GALM: variants seen among roughly 807,000 people sequenced by gnomAD.
GALM encodes the protein galactose mutarotase.
GALM carries 43 observed loss-of-function variants against 37.4 expected under a neutral mutation model. The observed-to-expected ratio is 1.15, with a 90% CI of 0.90 to 1.48. The LOEUF (loss-of-function observed/expected upper bound fraction) is 1.48, where lower values mean the gene tolerates loss of function less well. Ranked by LOEUF, GALM falls within the 40% of genes most tolerant of loss-of-function variation. The pLI is 0.00. For missense variants in GALM, 456 were observed against 419.1 expected (o/e 1.09, Z -0.77); for synonymous variants, 199 against 170.6 (o/e 1.17, Z -1.30).
chr2:38,711,779 CTGTCACCACCAT>C (rs1666169790), intron 4 of GALM, among the ~76,000 whole-genome samples: 1 of 99,442 alleles, frequency 1.0e-5, no homozygotes, highest in African/African-American at 3.6e-5. Flanking sequence ...ATCACCATCA[CTGTCACCACCAT>C]CACCATCACC....
chr2:38,674,806 G>C (rs1449026695), intron 1 of GALM, among the ~76,000 whole-genome samples: 1 of 152,180 alleles, frequency 6.6e-6, no homozygotes, highest in Non-Finnish European at 1.5e-5. Context: ...CCATAGTTTT[G>C]CTTCCTGCAG....
chr2:38,708,111 TTAAAATAAAATAAAA>T (rs60153386), intron 4 of GALM, among the ~76,000 whole-genome samples: 24 of 135,642 alleles, frequency 1.8e-4, no homozygotes, highest in South Asian at 4.5e-4. Context: ...TGTATCAAAA[TTAAAATAAAATAAAA>T]TAAAATAAAA....
At position 38,688,302 on chromosome 2, in the gene GALM, G is replaced by A. The variant is rs533718079; in HGVS notation, c.553-1511G>A. 1.1e-4 allele frequency among the ~76,000 whole-genome samples: 16 copies of A among 151,538 alleles called. No homozygotes were observed. The East Asian group carries it at 1.8e-3, about 17-fold the overall frequency. On this transcript the variant is annotated intron_variant, in intron 3 of 6. Coordinates refer to ENST00000272252, the MANE Select transcript of GALM (RefSeq NM_138801.3). ...CGAGGTGAGCAGATCACCTGAGGTC[G>A]CGAGTTCGAGACCAGCCTGACCAAC...
intron 1 of GALM, among the ~76,000 whole-genome samples, chr2:38,674,429 C>A (rs180951194): frequency 6.6e-6 from 1 of 152,214 alleles, no homozygotes; most frequent in Non-Finnish European, 1.5e-5. Flanking sequence ...ACCTCGTGAT[C>A]CACCCTTCTC....
intron 3 of GALM, among the ~76,000 whole-genome samples, chr2:38,686,277 T>TC (rs778606164): frequency 8.9e-6 from 1 of 112,360 alleles, no homozygotes; most frequent in Non-Finnish European, 1.8e-5. Flanking sequence ...TCTTTCTTTC[T>TC]TATTTTGAGA....
intron 5 of GALM, among the ~76,000 whole-genome samples, chr2:38,730,330 G>A (rs896982651): frequency 7.9e-5 from 12 of 152,174 alleles, no homozygotes; most frequent in Non-Finnish European, 1.6e-4. Context: ...GCAGTGGTGC[G>A]ATCTAGGTTT....
At chr2:38,709,892 C>T (rs1313701748) in intron 4 of GALM, among the ~76,000 whole-genome samples, 3 of 152,166 alleles carry the variant, frequency 2.0e-5, no homozygotes, top group African/African-American at 7.2e-5. Flanking sequence ...GCCCCTTTAC[C>T]GCAGGCCTCC....
intron 4 of GALM, among the ~76,000 whole-genome samples, chr2:38,709,126 G>C (rs569496500): frequency 2.2e-4 from 33 of 151,246 alleles, no homozygotes; most frequent in African/African-American, 7.7e-4. Flanking sequence ...GCCTAGACAG[G>C]TAGGCAGTGA....
chr2:38,705,913 C>G (rs568380766), intron 4 of GALM, among the ~76,000 whole-genome samples: 2 of 152,102 alleles, frequency 1.3e-5, no homozygotes, highest in Admixed American at 1.3e-4. Context: ...CCTCCCCCTC[C>G]GGGTTCAGTG....
At chr2:38,679,826 C>T (rs1420310479) in intron 2 of GALM, among the ~76,000 whole-genome samples, 21 of 152,144 alleles carry the variant, frequency 1.4e-4, no homozygotes, top group Admixed American at 1.4e-3. Context: ...TTTAAGTCTG[C>T]TTTGAGACAG....
chr2:38,710,964 G>T lies in GALM; in HGVS notation c.635-18592G>T, dbSNP rs115176831. Among the ~76,000 whole-genome samples, 138 of 151,722 alleles carry T rather than the reference G, an allele frequency of 9.1e-4. 1 individual carries two copies. The highest frequency in any genetic ancestry group is 5.9e-4 in the Non-Finnish European group (40 of 67,968). On this transcript the variant is annotated intron_variant, in intron 4 of 6. Coordinates refer to ENST00000272252, the MANE Select transcript of GALM (RefSeq NM_138801.3). ...AGACGGGGATTCACCATCTTGACCA[G>T]GCTGGTCTTGAACTTCTGACTTTAG...
intron 1 of GALM, chr2:38,669,358 T>C (rs1033819389): frequency 2.0e-5 from 3 of 152,256 alleles, no homozygotes; most frequent in Non-Finnish European, 4.4e-5. Context: ...CAGCCCCCAG[T>C]CAGGTACCCC....
intron 4 of GALM, among the ~76,000 whole-genome samples, chr2:38,716,374 G>T (rs1238600602): frequency 1.3e-5 from 2 of 152,222 alleles, no homozygotes; most frequent in Non-Finnish European, 2.9e-5. Flanking sequence ...AATCTGTGTT[G>T]CTTGAGCAAA....
intron 4 of GALM, among the ~76,000 whole-genome samples, chr2:38,712,682 C>G (rs1389229123): frequency 1.3e-5 from 2 of 152,166 alleles, no homozygotes; most frequent in African/African-American, 2.4e-5. Context: ...CAAATGAAAG[C>G]CTCTATGTTC....
chr2:38,702,626 C>A (rs1665941901), intron 4 of GALM, among the ~76,000 whole-genome samples: 1 of 152,056 alleles, frequency 6.6e-6, no homozygotes. Context: ...ATTTAGAATT[C>A]ATGATGTGGC....
chr2:38,703,815 C>A (rs1238606104), intron 4 of GALM, among the ~76,000 whole-genome samples: 1 of 151,950 alleles, frequency 6.6e-6, no homozygotes, highest in Non-Finnish European at 1.5e-5. Context: ...GAGTTCGAGA[C>A]CAGCCTGGGC....
intron 1 of GALM, among the ~76,000 whole-genome samples, chr2:38,675,246 T>A (rs1236530645): frequency 6.6e-6 from 1 of 152,108 alleles, no homozygotes; most frequent in African/African-American, 2.4e-5. Flanking sequence ...TACTAAAAGA[T>A]GGAAGAGTGT....
At chr2:38,732,087 C>G (rs1471842922) in intron 6 of GALM, among the ~76,000 whole-genome samples, 178 bp downstream of exon 6, 1 of 152,128 alleles carries the variant, frequency 6.6e-6, no homozygotes, top group African/African-American at 2.4e-5. Flanking sequence ...GTGGCACGAT[C>G]TCAGCTCACT....
At chr2:38,723,808 A>G (rs2148456275) in intron 4 of GALM, among the ~76,000 whole-genome samples, 1 of 152,240 alleles carries the variant, frequency 6.6e-6, no homozygotes, top group African/African-American at 2.4e-5. Flanking sequence ...CAAACAAAAA[A>G]AAAAGCAAAA....
Sources: gnomAD v4.1 joint callset for allele counts (sites outside exome capture counted in the v4.1 genomes callset) on GRCh38, gnomAD v4.1.1 for gene constraint, MANE v1.5 for transcripts, NCBI Gene and HGNC (gene_info 2026-07-23, HGNC 2026-07-21) for gene names.